Variants in NSF observed in about 807,000 individuals in gnomAD.
NSF encodes N-ethylmaleimide sensitive factor, vesicle fusing ATPase, also known as vesicle-fusing ATPase.
In NSF, 14 loss-of-function variants were observed where a neutral mutation model predicts 50.3. That is an observed-to-expected ratio of 0.28 (90% confidence interval 0.18 to 0.44). The LOEUF (loss-of-function observed/expected upper bound fraction) is 0.44. Among genes scored for constraint, NSF ranks in the 20% least tolerant of loss-of-function variants. The pLI, the probability that NSF is intolerant of heterozygous loss-of-function variation, is 1.00. For synonymous variants in NSF, 109 were observed against 175.7 expected, an observed-to-expected ratio of 0.62 and a Z score of 3.00; for missense variants, 218 against 504.3, an observed-to-expected ratio of 0.43 and a Z score of 5.44.
At chr17:46,694,265 T>C (rs2058573568) in intron 11 of NSF, among the ~76,000 whole-genome samples, 1 of 137,988 alleles carries the variant, frequency 7.2e-6, no homozygotes, top group South Asian at 2.2e-4. Context: ...TGTGCACCTG[T>C]AATTCCAGCT....
intron 17 of NSF, among the ~76,000 whole-genome samples, chr17:46,733,586 T>C (rs1163740263): frequency 6.6e-6 from 1 of 152,194 alleles, no homozygotes; most frequent in African/African-American, 2.4e-5. Context: ...CTTCCCAACC[T>C]TTTTAGATTA....
At chr17:46,744,039 G>A (rs1486809681) in intron 17 of NSF, among the ~76,000 whole-genome samples, 1 of 152,096 alleles carries the variant, frequency 6.6e-6, no homozygotes, top group African/African-American at 2.4e-5. Context: ...TGTCTTTGCA[G>A]TACTACGGAT....
In NSF at chr17:46,631,061, T is replaced by TACACACACACACACACAC. The variant is rs61399986; in HGVS notation, c.238+639_238+656dup. On this transcript the variant is annotated intron_variant, in intron 4 of 20. Coordinates refer to ENST00000398238, the MANE Select transcript of NSF (RefSeq NM_006178.4). ...CTCTCTGGGTCTCTGTCTCTCTCTG[T>TACACACACACACACACAC]ACACACACACACACACACACACACA... Among the ~76,000 whole-genome samples, 677 of 122,754 alleles carry TACACACACACACACACAC rather than the reference T, an allele frequency of 5.5e-3. 11 individuals are homozygous for TACACACACACACACACAC. Among genetic ancestry groups the TACACACACACACACACAC allele is most frequent in the African/African-American group, 0.017 (431 of 25,494 alleles). 80.5% of individuals were successfully genotyped at this position (122,754 alleles called of 152,430 possible). A position where few individuals can be genotyped will look rare whatever the true frequency, so the allele number is the denominator to read the frequency against.
chr17:46,748,914 T>C (rs947298298), intron 17 of NSF, among the ~76,000 whole-genome samples: 5 of 152,274 alleles, frequency 3.3e-5, no homozygotes, highest in Admixed American at 2.0e-4. Context: ...ACCACATTTG[T>C]ATAAACATAA....
At chr17:46,744,133 T>C (rs2059105237) in intron 17 of NSF, among the ~76,000 whole-genome samples, 2 of 152,196 alleles carry the variant, frequency 1.3e-5, no homozygotes, top group Non-Finnish European at 2.9e-5. Context: ...TTTGCGAGTG[T>C]GTTACTTGGT....
intron 17 of NSF, among the ~76,000 whole-genome samples, 178 bp downstream of exon 17, chr17:46,729,112 AT>A (rs2058922798): frequency 6.6e-6 from 1 of 152,076 alleles, no homozygotes; most frequent in South Asian, 2.1e-4. Flanking sequence ...TATCAACAGA[AT>A]TTTTCCATTC....
At chr17:46,732,168 C>T (rs952274828) in intron 17 of NSF, among the ~76,000 whole-genome samples, 2 of 152,140 alleles carry the variant, frequency 1.3e-5, no homozygotes, top group Admixed American at 1.3e-4. Flanking sequence ...AAAGGAGGAA[C>T]TATACTTATA....
At chr17:46,621,125 G>T in intron 1 of NSF, among the ~76,000 whole-genome samples, 1 of 140,346 alleles carries the variant, frequency 7.1e-6, no homozygotes. Context: ...AAAATTCAGT[G>T]GCTACTCTCT....
At chr17:46,728,684 CTG>C (rs966899190) in intron 16 of NSF, among the ~76,000 whole-genome samples, 169 bp from the exon 17 acceptor site, 1 of 150,302 alleles carries the variant, frequency 6.7e-6, no homozygotes, top group East Asian at 1.9e-4. Flanking sequence ...AGTTTTATGA[CTG>C]TTATTTAAGA....
At chr17:46,717,817 G>A (rs1053394496) in intron 15 of NSF, among the ~76,000 whole-genome samples, 21 of 152,172 alleles carry the variant, frequency 1.4e-4, no homozygotes, top group Middle Eastern at 3.2e-3. Flanking sequence ...CAAGGTGACG[G>A]AAATCACGCT....
At chr17:46,753,564 AATCTGTCAG>A in intron 19 of NSF, among the ~76,000 whole-genome samples, 1 of 152,272 alleles carries the variant, frequency 6.6e-6, no homozygotes, top group African/African-American at 2.4e-5. Flanking sequence ...AAAAAAGATA[AATCTGTCAG>A]ATTGTCAGCT....
At chr17:46,755,691 A>G (rs965676238) in intron 20 of NSF, 111 bp from the exon 21 acceptor site, 1 of 1,208,718 alleles carries the variant, frequency 8.3e-7, no homozygotes, top group African/African-American at 1.5e-5. Flanking sequence ...ATAGTGGGAA[A>G]TGTAGGATAA....
chr17:46,679,692 C>CAA (rs140927640), intron 9 of NSF, among the ~76,000 whole-genome samples: 15 of 101,506 alleles, frequency 1.5e-4, no homozygotes, highest in Non-Finnish European at 2.0e-4. Context: ...AACTCCATGT[C>CAA]AAAAAAAAAA....
intron 12 of NSF, among the ~76,000 whole-genome samples, chr17:46,703,677 T>C (rs2058628558): frequency 1.1e-5 from 1 of 92,556 alleles, no homozygotes; most frequent in African/African-American, 4.9e-5. Flanking sequence ...TGAGACTCCG[T>C]CTCAAAAAAA....
intron 16 of NSF, among the ~76,000 whole-genome samples, chr17:46,727,514 T>TA (rs1468509324): frequency 6.6e-6 from 1 of 152,234 alleles, no homozygotes; most frequent in African/African-American, 2.4e-5. Flanking sequence ...TAACTGTTCT[T>TA]ACTGCATTTT....
At chr17:46,735,466 TAAA>T (rs775711064) in intron 17 of NSF, among the ~76,000 whole-genome samples, 2 of 141,754 alleles carry the variant, frequency 1.4e-5, no homozygotes, top group Admixed American at 7.1e-5. Context: ...ACTTGAGGTT[TAAA>T]AAAAAAAAAA....
At chr17:46,752,099 C>T (rs754614668) in intron 19 of NSF, among the ~76,000 whole-genome samples, 1 of 152,152 alleles carries the variant, frequency 6.6e-6, no homozygotes, top group Non-Finnish European at 1.5e-5. Flanking sequence ...GCAGTCTAGA[C>T]TTGGGATCTG....
At position 46,673,365 on chromosome 17, in the gene NSF, GAC is replaced by G. The variant is rs1232043793; in HGVS notation, c.746-1044_746-1043del. On this transcript the variant is annotated intron_variant, in intron 8 of 20. Coordinates refer to ENST00000398238, the MANE Select transcript of NSF (RefSeq NM_006178.4). ...ATAAGGACAAACCATTTTCCATGGCGACACACTATTTATATTGCATTTTCAGA... is the reference window on the plus strand; with the variant it reads ...ATAAGGACAAACCATTTTCCATGGCGACACTATTTATATTGCATTTTCAGA... 6.3e-5 allele frequency among the ~76,000 whole-genome samples: 5 copies of G among 78,752 alleles called. No individual in the cohort carries two copies. The Admixed American group carries it at 6.8e-4, about 11-fold the overall frequency. 51.7% of individuals were successfully genotyped at this position (78,752 alleles called of 152,430 possible).
chr17:46,601,874 C>G (rs1002950345), intron 1 of NSF, among the ~76,000 whole-genome samples: 3 of 146,654 alleles, frequency 2.0e-5, no homozygotes, highest in Admixed American at 6.7e-5. Context: ...AATCCCCACT[C>G]CTTTAAAAAA....
Sources: allele counts gnomAD v4.1 joint callset (sites outside exome capture counted in the v4.1 genomes callset), GRCh38; gene constraint gnomAD v4.1.1; transcripts MANE v1.5; gene names NCBI Gene and HGNC (gene_info 2026-07-23, HGNC 2026-07-21).